ZFHX2: variants seen among roughly 807,000 people sequenced by gnomAD.
ZFHX2 encodes zinc finger homeobox 2, also known as zinc finger homeobox protein 2.
Under a neutral mutation model 164.8 loss-of-function variants are expected in ZFHX2, and 75 were observed. The ratio of observed to expected loss-of-function variants is 0.46; its 90% confidence interval spans 0.38 to 0.55. The LOEUF (loss-of-function observed/expected upper bound fraction) is 0.55. Among genes scored for constraint, ZFHX2 ranks in the 20% least tolerant of loss-of-function variants. The probability of loss-of-function intolerance (pLI) is 0.00; values close to 1 mark genes in which losing one functional copy is unlikely to be tolerated. For missense variants in ZFHX2, 2,933 were observed against 3,308.0 expected, an observed-to-expected ratio of 0.89 and a Z score of 2.78; for synonymous variants, 1,217 against 1,351.4, an observed-to-expected ratio of 0.90 and a Z score of 2.18.
At position 23,535,329 on chromosome 14, in the gene ZFHX2, A is replaced by G; in HGVS notation, c.-4T>C. On this transcript the variant is annotated 5_prime_UTR_variant, in exon 2 of 10. Transcript: ENST00000419474. The surrounding 1 kb of genome is among the most constrained non-coding windows in gnomAD (Gnocchi z 4.5). ...AGGCTGAGTTAAGGGTGGCCATGGTAGACGGAGGAGTGCTGGGGGCTCATG... is the reference window on the plus strand; with the variant it reads ...AGGCTGAGTTAAGGGTGGCCATGGTGGACGGAGGAGTGCTGGGGGCTCATG... 1.4e-6 allele frequency: 2 copies of G among 1,451,432 alleles called. No homozygotes were observed. Among genetic ancestry groups the G allele is most frequent in the Non-Finnish European group, 1.8e-6 (2 of 1,103,460 alleles). The allele number at this position is 1,451,432 out of a possible 1,614,324, so 89.9% of individuals were successfully genotyped here.
chr14:23,523,746 G>A lies in ZFHX2; in HGVS notation c.6196C>T (p.Arg2066Trp), dbSNP rs750885083. 27 of 1,536,088 alleles carry A rather than the reference G, an allele frequency of 1.8e-5. No homozygotes were observed. The highest frequency in any genetic ancestry group is 7.3e-5 in the East Asian group (3 of 40,914). ...GTGVPDGMGQ[R>W]RYRTQMSSLQ... ...CTGCTCATCTGGGTCCTGTAGCGCC[G>A]CTGCCCCATTCCATCTGGAACCCCA... Residue 2066 changes from arginine to tryptophan, a missense_variant, in exon 9 of 10, where the codon CGG becomes TGG. Transcript: ENST00000419474. This position sits in a 1 kb window ranked among gnomAD's most constrained non-coding sequence, Gnocchi z 4.1.
chr14:23,532,021 C>T (rs1879625179), intron 3 of ZFHX2: 2 of 214,068 alleles, frequency 9.3e-6, no homozygotes, highest in Non-Finnish European at 1.8e-5. Flanking sequence ...AGTGATCCTC[C>T]CGCCTCGGCC....
In ZFHX2 at chr14:23,534,525, T is replaced by C. The variant is rs1398775350; in HGVS notation, c.801A>G (p.Gln267=). The change falls in exon 2 of 10, where the codon CAA becomes CAG. Residue 267 remains glutamine, a synonymous_variant. Coordinates refer to ENST00000419474, the MANE Select transcript of ZFHX2 (RefSeq NM_033400.3). The surrounding 1 kb of genome is among the most constrained non-coding windows in gnomAD (Gnocchi z 4.5). The part of the protein sequence containing the change: ...QSHGVKLTPA[Q]YQGLSGSPAV... Reference sequence around the variant, plus strand: ...CTGGGCTACCTGACAGGCCCTGATATTGGGCAGGGGTTAGCTTCACCCCAT... The same window carrying C: ...CTGGGCTACCTGACAGGCCCTGATACTGGGCAGGGGTTAGCTTCACCCCAT... 5 of 1,536,108 alleles carry C rather than the reference T, an allele frequency of 3.3e-6. No homozygotes were observed. In the African/African-American group the frequency reaches 4.1e-5, roughly 13 times the overall value.
At position 23,524,529 on chromosome 14, in the gene ZFHX2, G is replaced by A. The variant is rs765486024; in HGVS notation, c.5413C>T (p.Leu1805=). The part of the protein sequence containing the change: ...SLQPSAPPQL[L]DLPLLVFGER... Reference sequence around the variant, plus strand: ...CCAAACACCAGCAAGGGCAGATCTAGGAGTTGGGGGGGAGCACTGGGCTGC... The same window carrying A: ...CCAAACACCAGCAAGGGCAGATCTAAGAGTTGGGGGGGAGCACTGGGCTGC... Residue 1805 remains leucine, a synonymous_variant, in exon 9 of 10, where the codon CTA becomes TTA. Coordinates refer to ENST00000419474, the MANE Select transcript of ZFHX2 (RefSeq NM_033400.3). This position sits in a 1 kb window ranked among gnomAD's most constrained non-coding sequence, Gnocchi z 5.6. 8.4e-4 allele frequency: 1,276 copies of A among 1,526,592 alleles called. 1 individual carries two copies. Among genetic ancestry groups the A allele is most frequent in the Non-Finnish European group, 1.0e-3 (1,186 of 1,141,720 alleles). 94.6% of individuals were successfully genotyped at this position (1,526,592 alleles called of 1,614,324 possible). A position where few individuals can be genotyped will look rare whatever the true frequency, so the allele number is the denominator to read the frequency against.
intron 7 of ZFHX2, 36 bp from the exon 8 acceptor site, chr14:23,527,009 C>T (rs994930902): frequency 1.4e-6 from 2 of 1,467,178 alleles, no homozygotes; most frequent in Non-Finnish European, 9.0e-7. Context: ...TTCACCACCA[C>T]CCCCCACTGC....
At chr14:23,532,453 C>T (rs41307102) in intron 3 of ZFHX2, 114 bp downstream of exon 3, 42,877 of 1,298,226 alleles carry the variant, frequency 0.033, 864 homozygotes, top group Non-Finnish European at 0.038. Context: ...TGCATACTTT[C>T]CTTTTTCTCC....
At chr14:23,542,362 A>G (rs1428529325) in intron 1 of ZFHX2, 2 of 152,330 alleles carry the variant, frequency 1.3e-5, no homozygotes, top group African/African-American at 4.8e-5. Flanking sequence ...GGTAGGCTGA[A>G]ACCACACACG....
In ZFHX2 at chr14:23,532,634, T is replaced by G; in HGVS notation, c.2492A>C (p.Asn831Thr). ...LRCNICDFES[N>T]SKEKMQLHAR... is the part of the protein sequence containing the mutation. Reference sequence around the variant, plus strand: ...ATGCAGCTGCATCTTCTCCTTGCTGTTGGACTCAAAGTCACAGATGTTGCA... The same window carrying G: ...ATGCAGCTGCATCTTCTCCTTGCTGGTGGACTCAAAGTCACAGATGTTGCA... The change falls in exon 3 of 10, where the codon AAC (asparagine) becomes ACC (threonine). Residue 831 changes from asparagine (N) to threonine (T), a missense_variant. Asn to Thr is a moderately conservative substitution (Grantham distance 65). Coordinates refer to ENST00000419474, the MANE Select transcript of ZFHX2 (RefSeq NM_033400.3). 1 of 1,468,412 alleles carries G rather than the reference T, an allele frequency of 6.8e-7. No homozygotes were observed. Among genetic ancestry groups the G allele is most frequent in the Non-Finnish European group, 9.0e-7 (1 of 1,111,906 alleles). 91.0% of individuals were successfully genotyped at this position (1,468,412 alleles called of 1,614,324 possible).
chr14:23,532,074 C>G (rs1260952360), intron 3 of ZFHX2: 2 of 184,434 alleles, frequency 1.1e-5, no homozygotes, highest in Non-Finnish European at 2.2e-5. Flanking sequence ...CCGCACCTAG[C>G]CTCAGGGGAC....
chr14:23,522,761 TC>T lies in ZFHX2; in HGVS notation c.6919del (p.Asp2307ThrfsTer27). The T allele has an allele frequency of 6.5e-7, 1 of 1,536,324 alleles. No individual in the cohort carries two copies. The highest frequency in any genetic ancestry group is 8.7e-7 in the Non-Finnish European group (1 of 1,146,896). ...TGGCTTTCGCTCACTGGAGACCTTGTCCCCCAAGGGCTCAGTAGGAGGGCCT... is the reference window on the plus strand; with the variant it reads ...TGGCTTTCGCTCACTGGAGACCTTGTCCCCAAGGGCTCAGTAGGAGGGCCT... ...VPGPPTEPLG[D>X]KVSSERKPVA... On this transcript the variant is annotated frameshift_variant, in exon 10 of 10. Transcript: ENST00000419474. LOFTEE classifies it high-confidence loss of function.
chr14:23,537,089 G>A (rs1029607725), intron 1 of ZFHX2, among the ~76,000 whole-genome samples: 1 of 149,274 alleles, frequency 6.7e-6, no homozygotes, highest in Non-Finnish European at 1.5e-5. Context: ...GCAGTGAGCC[G>A]GGACTGCACC....
chr14:23,525,439 A>C lies in ZFHX2; in HGVS notation c.4503T>G (p.His1501Gln), dbSNP rs1642933603. 7 of 1,536,118 alleles carry C rather than the reference A, an allele frequency of 4.6e-6. No individual in the cohort carries two copies. Among genetic ancestry groups the C allele is most frequent in the Non-Finnish European group, 6.1e-6 (7 of 1,146,918 alleles). ...CAAAGGGCAGAAAGCGGCGGTGGAC[A>C]TGTTCCTCGTGTGTCTTGAGGATAA... ...NMLILKTHEEHVHRRFLPFEA... is the reference protein window; with the variant it reads ...NMLILKTHEEQVHRRFLPFEA... The change falls in exon 9 of 10, where the codon CAT becomes CAG. Residue 1501 changes from histidine to glutamine, a missense_variant. Physicochemically the swap from His to Gln is conservative, Grantham distance 24 (BLOSUM62 0). Transcript: ENST00000419474. The surrounding 1 kb of genome is among the most constrained non-coding windows in gnomAD (Gnocchi z 5.9).
chr14:23,534,379 G>A lies in ZFHX2; in HGVS notation c.947C>T (p.Ala316Val), dbSNP rs878910259. 224 of 1,536,796 alleles carry A rather than the reference G, an allele frequency of 1.5e-4. 3 individuals carry two copies. The East Asian group carries it at 5.3e-3, about 36-fold the overall frequency. ...GCCATCCTCTGTCTGGGCCACATTCGCCTCCATGTTCACTGTGCTGCTGTT... is the reference window on the plus strand; with the variant it reads ...GCCATCCTCTGTCTGGGCCACATTCACCTCCATGTTCACTGTGCTGCTGTT... ...LDNSSTVNME[A>V]NVAQTEDGPP... is the part of the protein sequence containing the mutation. The change falls in exon 2 of 10, where the codon GCG (alanine) becomes GTG (valine). Residue 316 changes from alanine (A) to valine (V), a missense_variant. Transcript: ENST00000419474. This position sits in a 1 kb window ranked among gnomAD's most constrained non-coding sequence, Gnocchi z 4.5.
Position 23,522,891 on chromosome 14 carries a change from T to C in ZFHX2, c.6790A>G (p.Thr2264Ala). ...CCAGCAGTCTGGACCACTGTGGTGG[T>C]AGGCAGGACCGAAGTGGCGAGGCCG... The part of the protein sequence containing the change: ...LLGLATSVLP[T>A]TTVVQTAGPG... Residue 2264 changes from threonine (T) to alanine (A), a missense_variant, in exon 10 of 10, where the codon ACC becomes GCC. Coordinates refer to ENST00000419474, the MANE Select transcript of ZFHX2 (RefSeq NM_033400.3). The C allele has an allele frequency of 3.4e-6, 5 of 1,484,096 alleles. No individual in the cohort carries two copies. The highest frequency in any genetic ancestry group is 4.5e-6 in the Non-Finnish European group (5 of 1,120,946). The allele number at this position is 1,484,096 out of a possible 1,614,324, so 91.9% of individuals were successfully genotyped here.
rs974247986 is a variant in ZFHX2, at chr14:23,523,440, G to A, written c.6502C>T (p.Arg2168Cys). The A allele has an allele frequency of 1.9e-5, 29 of 1,535,190 alleles. No individual in the cohort carries two copies. Among genetic ancestry groups the A allele is most frequent in the Admixed American group, 5.9e-5 (3 of 50,878 alleles). Residue 2168 changes from arginine to cysteine, a missense_variant, in exon 9 of 10, where the codon CGT (arginine) becomes TGT (cysteine). By Grantham distance (180) the Arg-to-Cys change is radical (BLOSUM62 -3). Coordinates refer to ENST00000419474, the MANE Select transcript of ZFHX2 (RefSeq NM_033400.3). This position sits in a 1 kb window ranked among gnomAD's most constrained non-coding sequence, Gnocchi z 4.1. ...YVSCRGHLFSRQHLAKLKEAV... is the reference protein window; with the variant it reads ...YVSCRGHLFSCQHLAKLKEAV... ...TCCTTGAGCTTGGCCAGGTGCTGAC[G>A]GGAAAAGAGATGGCCTCGGCAGGAG...
Position 23,526,859 on chromosome 14 carries a change from C to A in ZFHX2, c.3250G>T (p.Asp1084Tyr). 6.5e-7 allele frequency: 1 copy of A among 1,530,662 alleles called. No homozygotes were observed. The highest frequency in any genetic ancestry group is 8.7e-7 in the Non-Finnish European group (1 of 1,144,472). The allele number at this position is 1,530,662 out of a possible 1,614,324, so 94.8% of individuals were successfully genotyped here. The part of the protein sequence containing the change: ...THGPEPTPSR[D>Y]QAAEGPNLTP... ...TTCCATTCCTTACCTGCTGCCTGGT[C>A]TCTGCTCGGTGTAGGCTCTGGCCCA... Residue 1084 changes from aspartate (D) to tyrosine (Y), a missense_variant, in exon 8 of 10, where the codon GAC becomes TAC. Asp to Tyr is a radical substitution (Grantham distance 160). Coordinates refer to ENST00000419474, the MANE Select transcript of ZFHX2 (RefSeq NM_033400.3).
In ZFHX2 at chr14:23,526,031, A is replaced by G. The variant is rs765991688; in HGVS notation, c.3911T>C (p.Val1304Ala). The G allele has an allele frequency of 5.1e-5, 79 of 1,535,650 alleles. No homozygotes were observed. The highest frequency in any genetic ancestry group is 2.4e-5 in the Non-Finnish European group (28 of 1,146,738). Residue 1304 changes from valine (V) to alanine (A), a missense_variant, in exon 9 of 10, where the codon GTG (valine) becomes GCG (alanine). Val to Ala is a moderately conservative substitution (Grantham distance 64). Transcript: ENST00000419474. The part of the protein sequence containing the change: ...EPKEGETEGE[V>A]GTEKKGPDTS... ...GTCAGGGCCCTTCTTCTCAGTGCCC[A>G]CCTCCCCCTCTGTCTCGCCTTCCTT...
rs983293776 is a variant in ZFHX2 at position 23,529,868 on chromosome 14, G to T, written c.2876-100C>A. 1.7e-4 allele frequency: 212 copies of T among 1,248,718 alleles called. 2 individuals are homozygous for T. In the East Asian group the frequency reaches 5.2e-3, roughly 31 times the overall value. The allele number at this position is 1,248,718 out of a possible 1,614,324, so 77.4% of individuals were successfully genotyped here. A position where few individuals can be genotyped will look rare whatever the true frequency, so the allele number is the denominator to read the frequency against. On this transcript the variant is annotated intron_variant, in intron 5 of 9. Transcript: ENST00000419474. ...TAGGGAGTTGGGCACTAGAGAAAGG[G>T]CAGGAAACTCAGTAGATAGGTGAGG...
Position 23,522,792 on chromosome 14 carries a change from C to A in ZFHX2, c.6889G>T (p.Val2297Phe). 6.5e-7 allele frequency: 1 copy of A among 1,536,320 alleles called. No homozygotes were observed. Among genetic ancestry groups the A allele is most frequent in the South Asian group, 1.2e-5 (1 of 84,052 alleles). ...NTSTAGTTDPVPGPPTEPLGD... is the reference protein window; with the variant it reads ...NTSTAGTTDPFPGPPTEPLGD... ...AAGGGCTCAGTAGGAGGGCCTGGGA[C>A]AGGGTCAGTGGTGCCTGCTGTGGAG... Residue 2297 changes from valine (V) to phenylalanine (F), a missense_variant, in exon 10 of 10, where the codon GTC becomes TTC. Transcript: ENST00000419474.
Sources: gnomAD v4.1 joint callset for allele counts (sites outside exome capture counted in the v4.1 genomes callset) on GRCh38, gnomAD v4.1.1 for gene constraint, Gnocchi (gnomAD v3.1) non-coding constraint, MANE v1.5 for transcripts, NCBI Gene and HGNC (gene_info 2026-07-23, HGNC 2026-07-21) for gene names.